The following AKAP11 variants were observed in gnomAD, a reference collection of about 807,000 sequenced individuals.
AKAP11 encodes A-kinase anchoring protein 11.
A neutral mutation model predicts 146.1 loss-of-function variants in AKAP11; 36 were observed. That is an observed-to-expected ratio of 0.25 (90% CI 0.19 to 0.33). The LOEUF (loss-of-function observed/expected upper bound fraction) is 0.33, where lower values mean the gene tolerates loss of function less well. AKAP11 is among the 10% of genes least tolerant of loss of function. The pLI is 1.00. For missense variants in AKAP11, 2,201 were observed against 2,197.0 expected (o/e 1.00, Z -0.04); for synonymous variants, 780 against 786.5 (o/e 0.99, Z 0.14).
chr13:42,302,808 AC>A lies in AKAP11; in HGVS notation c.4063del (p.Gln1355ArgfsTer8). 1 of 1,614,120 alleles carries A rather than the reference AC, an allele frequency of 6.2e-7. No individual in the cohort carries two copies. The highest frequency in any genetic ancestry group is 8.5e-7 in the Non-Finnish European group (1 of 1,180,004). ...YAGHLIQILK[Q>X]EGGNSELIMD... ...CAGGTCACCTTATTCAGATACTAAA[AC>A]AGGAAGGTGGTAATAGTGAGTTGAT... On this transcript the variant is annotated frameshift_variant, in exon 8 of 13. Coordinates refer to ENST00000025301, the MANE Select transcript of AKAP11 (RefSeq NM_016248.4). LOFTEE classifies it high-confidence loss of function.
At chr13:42,273,941 C>T (rs1229033630) in intron 1 of AKAP11, among the ~76,000 whole-genome samples, 1 of 152,154 alleles carries the variant, frequency 6.6e-6, no homozygotes, top group Non-Finnish European at 1.5e-5. Context: ...ATGTGAAAGA[C>T]TTAGAAAATA....
rs769772810 is a variant in AKAP11, at chr13:42,298,710, A to G, written c.529A>G (p.Asn177Asp). The change falls in exon 7 of 13, where the codon AAC becomes GAC. Residue 177 changes from asparagine (N) to aspartate (D), a missense_variant. Asn to Asp is a conservative substitution (Grantham distance 23). Coordinates refer to ENST00000025301, the MANE Select transcript of AKAP11 (RefSeq NM_016248.4). Reference sequence around the variant, plus strand: ...CACTGATGAAGATGATGATGATACTAACCAGTCTGTGTCATCCATAGAGGA... The same window carrying G: ...CACTGATGAAGATGATGATGATACTGACCAGTCTGTGTCATCCATAGAGGA... ...ETTDEDDDDT[N>D]QSVSSIEDDF... 2 of 1,610,216 alleles carry G rather than the reference A, an allele frequency of 1.2e-6. No individual in the cohort carries two copies. The highest frequency in any genetic ancestry group is 1.7e-6 in the Non-Finnish European group (2 of 1,178,692).
intron 6 of AKAP11, 96 bp downstream of exon 6, chr13:42,297,278 G>T (rs922471215): frequency 1.2e-5 from 12 of 982,256 alleles, no homozygotes; most frequent in East Asian, 1.2e-4. Context: ...GATGACATTT[G>T]TTTTTTTTAA....
rs1961065688 is a variant in AKAP11 at position 42,321,026 on chromosome 13, T to C, written c.*1798T>C. On this transcript the variant is annotated 3_prime_UTR_variant, in exon 13 of 13. Coordinates refer to ENST00000025301, the MANE Select transcript of AKAP11 (RefSeq NM_016248.4). ...AATGCAGGAATTGTATAACCAGAAT[T>C]GTTCCTGCCTTTAGCTTTTCAGAAC... 6.6e-6 allele frequency: 1 copy of C among 152,366 alleles called. No homozygotes were observed. Among genetic ancestry groups the C allele is most frequent in the Admixed American group, 6.5e-5 (1 of 15,284 alleles). 9.4% of individuals were successfully genotyped at this position (152,366 alleles called of 1,614,324 possible). A position where few individuals can be genotyped will look rare whatever the true frequency, so the allele number is the denominator to read the frequency against.
intron 8 of AKAP11, among the ~76,000 whole-genome samples, chr13:42,307,206 C>T (rs1423741140): frequency 1.3e-5 from 2 of 152,084 alleles, no homozygotes; most frequent in Non-Finnish European, 2.9e-5. Context: ...TTGGAATGCT[C>T]AGTATCATTC....
chr13:42,303,572 A>G lies in AKAP11; in HGVS notation c.4826A>G (p.Gln1609Arg). 1 of 1,614,228 alleles carries G rather than the reference A, an allele frequency of 6.2e-7. No homozygotes were observed. The highest frequency in any genetic ancestry group is 1.1e-5 in the South Asian group (1 of 91,084). ...TGNSSQHFFRQGSLASSKPAS... is the reference protein window; with the variant it reads ...TGNSSQHFFRRGSLASSKPAS... ...AATTCATCTCAGCACTTTTTCAGAC[A>G]GGGTTCTCTCGCCAGTAGTAAGCCA... The change falls in exon 8 of 13, where the codon CAG (glutamine) becomes CGG (arginine). Residue 1609 changes from glutamine to arginine, a missense_variant. Gln to Arg is a conservative substitution (Grantham distance 43). Around this residue, in one of 3 missense-constraint regions of AKAP11, gnomAD observed 1,867 missense variants for 1,833.5 expected, o/e 1.02. Coordinates refer to ENST00000025301, the MANE Select transcript of AKAP11 (RefSeq NM_016248.4).
intron 12 of AKAP11, among the ~76,000 whole-genome samples, chr13:42,318,101 G>A (rs555730947): frequency 6.6e-6 from 1 of 152,176 alleles, no homozygotes; most frequent in East Asian, 1.9e-4. Context: ...TAATATATCT[G>A]TTTCTCTGAT....
At chr13:42,294,193 ACTATT>A (rs1320828262) in intron 4 of AKAP11, among the ~76,000 whole-genome samples, 1 of 152,152 alleles carries the variant, frequency 6.6e-6, no homozygotes, top group Non-Finnish European at 1.5e-5. Flanking sequence ...TTCTGACTAT[ACTATT>A]GTCCCCACAT....
chr13:42,293,706 C>G (rs1359829682), intron 4 of AKAP11, among the ~76,000 whole-genome samples: 1 of 152,118 alleles, frequency 6.6e-6, no homozygotes, highest in East Asian at 1.9e-4. Flanking sequence ...GCCCACATTC[C>G]TTGGTGAGGC....
At chr13:42,280,562 T>C (rs1392548106) in intron 1 of AKAP11, among the ~76,000 whole-genome samples, 3 of 152,226 alleles carry the variant, frequency 2.0e-5, no homozygotes, top group Non-Finnish European at 4.4e-5. Flanking sequence ...TTTTTATTTA[T>C]TAGTTCAGCA....
intron 1 of AKAP11, among the ~76,000 whole-genome samples, chr13:42,279,010 C>G (rs1353632782): frequency 2.7e-5 from 4 of 150,614 alleles, no homozygotes; most frequent in Non-Finnish European, 5.9e-5. Flanking sequence ...GATGTGAAGT[C>G]TGTTGTCCTT....
chr13:42,319,019 G>T, intron 12 of AKAP11, 69 bp from the exon 13 acceptor site: 3 of 1,497,526 alleles, frequency 2.0e-6, no homozygotes, highest in Non-Finnish European at 2.7e-6. Context: ...AGCTAATATT[G>T]AAAATAAAAA....
Position 42,319,138 on chromosome 13 carries a change from G to C in AKAP11, c.5616G>C (p.Gln1872His), listed in dbSNP as rs1178073464. Residue 1872 changes from glutamine to histidine, a missense_variant, in exon 13 of 13, where the codon CAG becomes CAC. Transcript: ENST00000025301. ...EKGWKVGDLL[Q>H]AVLQYYEVME... Reference sequence around the variant, plus strand: ...GATGGAAAGTGGGAGACCTCCTGCAGGCTGTGCTTCAATACTATGAAGTGA... The same window carrying C: ...GATGGAAAGTGGGAGACCTCCTGCACGCTGTGCTTCAATACTATGAAGTGA... The C allele has an allele frequency of 1.9e-6, 3 of 1,613,958 alleles. No homozygotes were observed. Among genetic ancestry groups the C allele is most frequent in the African/African-American group, 2.7e-5 (2 of 74,926 alleles).
chr13:42,275,189 A>G (rs112657177), intron 1 of AKAP11, among the ~76,000 whole-genome samples: 18,698 of 152,182 alleles, frequency 0.12, 1,253 homozygotes, highest in African/African-American at 0.14. Context: ...TGTCTCTGCT[A>G]CTCACGCAGG....
chr13:42,303,122 C>A lies in AKAP11; in HGVS notation c.4376C>A (p.Thr1459Asn). 6.2e-7 allele frequency: 1 copy of A among 1,614,110 alleles called. No homozygotes were observed. The highest frequency in any genetic ancestry group is 8.5e-7 in the Non-Finnish European group (1 of 1,180,026). Residue 1459 changes from threonine (T) to asparagine (N), a missense_variant, in exon 8 of 13, where the codon ACC becomes AAC. This residue lies in a region of AKAP11 where 1,867 missense variants were observed against 1,833.5 expected (regional missense o/e 1.02). Transcript: ENST00000025301. ...NEVSQLYSFSTSLVHSITKDA... is the reference protein window; with the variant it reads ...NEVSQLYSFSNSLVHSITKDA... ...GTCTCCCAACTGTATAGTTTTTCAA[C>A]CTCTCTGGTTCACAGCATAACAAAA... is the stretch of plus-strand genomic sequence containing the variant.
At position 42,319,172 on chromosome 13, in the gene AKAP11, G is replaced by A. The variant is rs1960971591; in HGVS notation, c.5650G>A (p.Ala1884Thr). ...VLQYYEVMEK[A>T]SSEERCKSLF... Reference sequence around the variant, plus strand: ...TCAATACTATGAAGTGATGGAAAAAGCTTCCAGTGAGGAGAGATGCAAGTC... The same window carrying A: ...TCAATACTATGAAGTGATGGAAAAAACTTCCAGTGAGGAGAGATGCAAGTC... Residue 1884 changes from alanine (A) to threonine (T), a missense_variant, in exon 13 of 13, where the codon GCT (alanine) becomes ACT (threonine). This residue lies in a region of AKAP11 where 1,867 missense variants were observed against 1,833.5 expected (regional missense o/e 1.02). Transcript: ENST00000025301. The A allele has an allele frequency of 6.2e-7, 1 of 1,613,934 alleles. No homozygotes were observed. Among genetic ancestry groups the A allele is most frequent in the African/African-American group, 1.3e-5 (1 of 74,918 alleles).
chr13:42,301,013 C>T lies in AKAP11; in HGVS notation c.2267C>T (p.Pro756Leu). Residue 756 changes from proline to leucine, a missense_variant, in exon 8 of 13, where the codon CCA becomes CTA. Transcript: ENST00000025301. ...AATCAAGCAATTATGGTGACAAAAC[C>T]AGTGCAGGAATATAAAAAGGAATAC... is the stretch of plus-strand genomic sequence containing the variant. Reference protein sequence around the residue: ...FHNQAIMVTKPVQEYKKEYTV... With the variant: ...FHNQAIMVTKLVQEYKKEYTV... 1 of 1,614,042 alleles carries T rather than the reference C, an allele frequency of 6.2e-7. No homozygotes were observed. Among genetic ancestry groups the T allele is most frequent in the Non-Finnish European group, 8.5e-7 (1 of 1,179,946 alleles).
intron 11 of AKAP11, 38 bp from the exon 12 acceptor site, chr13:42,317,490 A>G (rs777533482): frequency 1.4e-5 from 22 of 1,569,260 alleles, no homozygotes; most frequent in Non-Finnish European, 1.9e-5. Flanking sequence ...AGTTAAATTG[A>G]TGAGTTTTAC....
Position 42,300,604 on chromosome 13 carries a change from G to A in AKAP11, c.1858G>A (p.Val620Met), listed in dbSNP as rs766993879. Residue 620 changes from valine (V) to methionine (M), a missense_variant, in exon 8 of 13, where the codon GTG becomes ATG. By Grantham distance (21) the Val-to-Met change is conservative (BLOSUM62 1). This residue lies in a region of AKAP11 where 1,867 missense variants were observed against 1,833.5 expected (regional missense o/e 1.02). Transcript: ENST00000025301. ...CATTAGTGGCCTGGCTAACTTTTTGGTGAGTGAAGCTTTATCAAATGCCTT... is the reference window on the plus strand; with the variant it reads ...CATTAGTGGCCTGGCTAACTTTTTGATGAGTGAAGCTTTATCAAATGCCTT... ...RAISGLANFL[V>M]SEALSNALKD... 1.2e-6 allele frequency: 2 copies of A among 1,613,868 alleles called. No individual in the cohort carries two copies. The highest frequency in any genetic ancestry group is 2.7e-5 in the African/African-American group (2 of 74,916).
Sources: gnomAD v4.1 joint callset for allele counts (sites outside exome capture counted in the v4.1 genomes callset) on GRCh38, gnomAD v4.1.1 for gene constraint, gnomAD v4.1.1 regional missense constraint, MANE v1.5 for transcripts, NCBI Gene and HGNC (gene_info 2026-07-23, HGNC 2026-07-21) for gene names.